SYTL1: variants seen among roughly 807,000 people sequenced by gnomAD.
SYTL1 encodes synaptotagmin-like protein 1.
A neutral mutation model predicts 74.6 loss-of-function variants in SYTL1; 53 were observed. The ratio of observed to expected loss-of-function variants is 0.71; its 90% CI spans 0.57 to 0.89. The LOEUF is 0.89. Ranked by LOEUF, SYTL1 falls within the 40% of genes least tolerant of loss-of-function variation. The probability of loss-of-function intolerance (pLI) is 0.00; values close to 1 mark genes in which losing one functional copy is unlikely to be tolerated. For synonymous variants in SYTL1, 329 were observed against 324.9 expected (o/e 1.01, Z -0.14); for missense variants, 728 against 768.7 (o/e 0.95, Z 0.63).
Position 27,347,673 on chromosome 1 carries a change from C to A in SYTL1, c.340+104C>A. On this transcript the variant is annotated intron_variant, in intron 3 of 14. Coordinates refer to ENST00000616558, the MANE Select transcript of SYTL1 (RefSeq NM_001193308.2). The surrounding 1 kb of genome is among the most constrained non-coding windows in gnomAD (Gnocchi z 4.9). ...ACTAGGGCTCCAGTCCTGGCTGCCC[C>A]CAGTACTGTGTGTCTTTCAGTGGGC... The A allele has an allele frequency of 6.5e-7, 1 of 1,527,592 alleles. No individual in the cohort carries two copies. Among genetic ancestry groups the A allele is most frequent in the Non-Finnish European group, 8.9e-7 (1 of 1,125,622 alleles). 94.6% of individuals were successfully genotyped at this position (1,527,592 alleles called of 1,614,324 possible). A position where few individuals can be genotyped will look rare whatever the true frequency, so the allele number is the denominator to read the frequency against.
chr1:27,350,953 G>C lies in SYTL1; in HGVS notation c.1164+1G>C. ...CACCTGGCTCCCCCTGCAGCCCCGGGTGAGGCAGCCAGGCCGCGTGGGGAG... is the reference window on the plus strand; with the variant it reads ...CACCTGGCTCCCCCTGCAGCCCCGGCTGAGGCAGCCAGGCCGCGTGGGGAG... On this transcript the variant is annotated splice_donor_variant, in intron 11 of 14. Coordinates refer to ENST00000616558, the MANE Select transcript of SYTL1 (RefSeq NM_001193308.2). LOFTEE classifies it high-confidence loss of function. The surrounding 1 kb of genome is among the most constrained non-coding windows in gnomAD (Gnocchi z 6.3). The C allele has an allele frequency of 3.1e-6, 5 of 1,612,780 alleles. No individual in the cohort carries two copies. Among genetic ancestry groups the C allele is most frequent in the East Asian group, 4.5e-5 (2 of 44,852 alleles).
chr1:27,350,104 G>A lies in SYTL1; in HGVS notation c.880G>A (p.Ala294Thr). 1 of 1,402,618 alleles carries A rather than the reference G, an allele frequency of 7.1e-7. No homozygotes were observed. The allele number at this position is 1,402,618 out of a possible 1,614,324, so 86.9% of individuals were successfully genotyped here. Residue 294 changes from alanine to threonine, a missense_variant, in exon 9 of 15, where the codon GCC (alanine) becomes ACC (threonine). Transcript: ENST00000616558. The surrounding 1 kb of genome is among the most constrained non-coding windows in gnomAD (Gnocchi z 6.3). ...GCACGTGATCCAGTGCCAGGGCCTG[G>A]CCGCCGCCCGGCGCCGCCGCTCGGA... ...RVHVIQCQGL[A>T]AARRRRSDPY...
rs2015032585 is a variant in SYTL1, at chr1:27,347,108, G to A, written c.192-313G>A. Among the ~76,000 whole-genome samples, 1 of 152,216 alleles carries A rather than the reference G, an allele frequency of 6.6e-6. No homozygotes were observed. The highest frequency in any genetic ancestry group is 2.1e-4 in the South Asian group (1 of 4,828). On this transcript the variant is annotated intron_variant, in intron 2 of 14. Transcript: ENST00000616558. The surrounding 1 kb of genome is among the most constrained non-coding windows in gnomAD (Gnocchi z 4.9). ...CAGCACTCCAGCCTGGGCATAGAGG[G>A]AGACTCCATCTCAAAATAATTAAGT... is the stretch of plus-strand genomic sequence containing the variant.
chr1:27,350,959 C>G lies in SYTL1; in HGVS notation c.1164+7C>G. ...GCTCCCCCTGCAGCCCCGGGTGAGGCAGCCAGGCCGCGTGGGGAGACCTGC... is the reference window on the plus strand; with the variant it reads ...GCTCCCCCTGCAGCCCCGGGTGAGGGAGCCAGGCCGCGTGGGGAGACCTGC... On this transcript the variant is annotated splice_region_variant and intron_variant, in intron 11 of 14. Transcript: ENST00000616558. This position sits in a 1 kb window ranked among gnomAD's most constrained non-coding sequence, Gnocchi z 6.3. 1.2e-6 allele frequency: 2 copies of G among 1,612,692 alleles called. No homozygotes were observed. The highest frequency in any genetic ancestry group is 2.2e-5 in the South Asian group (2 of 91,068).
chr1:27,342,257 A>C lies in SYTL1; in HGVS notation c.-39+107A>C, dbSNP rs7533455. ...CACCTTGGGGTTGGGGGAGGTGGGC[A>C]CATGTCTGGAACTGGAACAGCTGGA... is the stretch of plus-strand genomic sequence containing the variant. On this transcript the variant is annotated intron_variant, in intron 1 of 14. Transcript: ENST00000616558. The surrounding 1 kb of genome is among the most constrained non-coding windows in gnomAD (Gnocchi z 4.7). The C allele has an allele frequency of 1.2e-6, 1 of 852,856 alleles. No homozygotes were observed. The highest frequency in any genetic ancestry group is 1.4e-6 in the Non-Finnish European group (1 of 709,400). 52.8% of individuals were successfully genotyped at this position (852,856 alleles called of 1,614,324 possible).
chr1:27,351,087 G>T lies in SYTL1; in HGVS notation c.1164+135G>T. Reference sequence around the variant, plus strand: ...CAACCTCTTAACCTCATGGCCCCAGGCGAAGCCCGGCCGGCCACGGCCCCT... The same window carrying T: ...CAACCTCTTAACCTCATGGCCCCAGTCGAAGCCCGGCCGGCCACGGCCCCT... On this transcript the variant is annotated intron_variant, in intron 11 of 14. Coordinates refer to ENST00000616558, the MANE Select transcript of SYTL1 (RefSeq NM_001193308.2). The surrounding 1 kb of genome is among the most constrained non-coding windows in gnomAD (Gnocchi z 5.0). 1 of 1,339,852 alleles carries T rather than the reference G, an allele frequency of 7.5e-7. No individual in the cohort carries two copies. The highest frequency in any genetic ancestry group is 1.0e-6 in the Non-Finnish European group (1 of 987,998). The allele number at this position is 1,339,852 out of a possible 1,614,324, so 83.0% of individuals were successfully genotyped here.
chr1:27,350,912 A>C lies in SYTL1; in HGVS notation c.1124A>C (p.Asp375Ala), dbSNP rs1271441288. The change falls in exon 11 of 15, where the codon GAC becomes GCC. Residue 375 changes from aspartate (D) to alanine (A), a missense_variant. By Grantham distance (126) the Asp-to-Ala change is moderately radical (BLOSUM62 -2). Transcript: ENST00000616558. This position sits in a 1 kb window ranked among gnomAD's most constrained non-coding sequence, Gnocchi z 6.3. ...GEVEVPLDTW[D>A]WGSEPTWLPL... is the part of the protein sequence containing the mutation. ...GTTGAAGTGCCCCTGGACACGTGGG[A>C]CTGGGGCTCTGAGCCCACCTGGCTC... is the stretch of plus-strand genomic sequence containing the variant. The C allele has an allele frequency of 6.2e-7, 1 of 1,613,482 alleles. No individual in the cohort carries two copies. The highest frequency in any genetic ancestry group is 2.2e-5 in the East Asian group (1 of 44,856).
chr1:27,351,126 T>C lies in SYTL1; in HGVS notation c.1165-132T>C. On this transcript the variant is annotated intron_variant, in intron 11 of 14. Transcript: ENST00000616558. This position sits in a 1 kb window ranked among gnomAD's most constrained non-coding sequence, Gnocchi z 5.0. ...GCCACGGCCCCTTCCCCGAGGGCGC[T>C]AGGACCCCTAGGTTCTGCCCCTGCA... 7.6e-7 allele frequency: 1 copy of C among 1,323,346 alleles called. No homozygotes were observed. Among genetic ancestry groups the C allele is most frequent in the Non-Finnish European group, 1.0e-6 (1 of 971,778 alleles). The allele number at this position is 1,323,346 out of a possible 1,614,324, so 82.0% of individuals were successfully genotyped here. A position where few individuals can be genotyped will look rare whatever the true frequency, so the allele number is the denominator to read the frequency against.
chr1:27,349,311 G>A (rs2015135529), intron 6 of SYTL1, 87 bp from the exon 7 acceptor site: 2 of 1,455,324 alleles, frequency 1.4e-6, no homozygotes, highest in Admixed American at 2.8e-5. Context: ...TGAATCTGCA[G>A]CTCGCTGGGG....
At position 27,350,906 on chromosome 1, in the gene SYTL1, C is replaced by A. The variant is rs368344700; in HGVS notation, c.1118C>A (p.Thr373Lys). Residue 373 changes from threonine (T) to lysine (K), a missense_variant, in exon 11 of 15, where the codon ACG (threonine) becomes AAG (lysine). By Grantham distance (78) the Thr-to-Lys change is moderately conservative (BLOSUM62 -1). Transcript: ENST00000616558. This position sits in a 1 kb window ranked among gnomAD's most constrained non-coding sequence, Gnocchi z 6.3. ...FLGEVEVPLD[T>K]WDWGSEPTWL... ...GGCGAAGTTGAAGTGCCCCTGGACA[C>A]GTGGGACTGGGGCTCTGAGCCCACC... 1 of 1,613,658 alleles carries A rather than the reference C, an allele frequency of 6.2e-7. No homozygotes were observed. Among genetic ancestry groups the A allele is most frequent in the Non-Finnish European group, 8.5e-7 (1 of 1,179,982 alleles).
intron 7 of SYTL1, 68 bp from the exon 8 acceptor site, chr1:27,349,584 C>A (rs1198433989): frequency 1.8e-5 from 28 of 1,521,102 alleles, no homozygotes; most frequent in Non-Finnish European, 2.4e-5. Context: ...GCGAGCCGCC[C>A]GCGACCCAGG....
At chr1:27,344,583 G>A (rs1571028187) in intron 1 of SYTL1, among the ~76,000 whole-genome samples, 1 of 146,800 alleles carries the variant, frequency 6.8e-6, no homozygotes, top group Non-Finnish European at 1.5e-5. Flanking sequence ...CGGGCGTGGT[G>A]GCTCACGCCT....
rs745856303 is a variant in SYTL1, at chr1:27,353,360, A to G, written c.1421A>G (p.Asn474Ser). ...VVRRSLSPVF[N>S]HTMVYDGFGP... ...CGACGCAGCCTCAGCCCTGTGTTCA[A>G]TCACACCATGGTGTACGATGGCTTT... Residue 474 changes from asparagine (N) to serine (S), a missense_variant, in exon 14 of 15, where the codon AAT (asparagine) becomes AGT (serine). By Grantham distance (46) the Asn-to-Ser change is conservative (BLOSUM62 1). Transcript: ENST00000616558. 5.6e-6 allele frequency: 9 copies of G among 1,611,328 alleles called. No individual in the cohort carries two copies. In the South Asian group the frequency reaches 6.6e-5, roughly 12 times the overall value.
intron 7 of SYTL1, 68 bp from the exon 8 acceptor site, chr1:27,349,584 C>T (rs1198433989): frequency 6.6e-7 from 1 of 1,520,992 alleles, no homozygotes; most frequent in Non-Finnish European, 8.8e-7. Context: ...GCGAGCCGCC[C>T]GCGACCCAGG....
rs1398999070 is a variant in SYTL1, at chr1:27,345,775, G to T, written c.191+250G>T. Among the ~76,000 whole-genome samples the T allele has an allele frequency of 2.0e-5, 3 of 150,418 alleles. No homozygotes were observed. Among genetic ancestry groups the T allele is most frequent in the African/African-American group, 7.3e-5 (3 of 40,938 alleles). On this transcript the variant is annotated intron_variant, in intron 2 of 14. Transcript: ENST00000616558. The surrounding 1 kb of genome is among the most constrained non-coding windows in gnomAD (Gnocchi z 6.0). ...CCTGCAGCTGGTGCTCCCCAGATCTGTCTGCTTTTTTTTTTTTTTCTTGAG... is the reference window on the plus strand; with the variant it reads ...CCTGCAGCTGGTGCTCCCCAGATCTTTCTGCTTTTTTTTTTTTTTCTTGAG...
Position 27,345,397 on chromosome 1 carries a change from G to T in SYTL1, c.63G>T (p.Ala21=). ...GGGCTCTGCCCTCCCTCCCCATGGC[G>T]CATGGGCCAAAGCCTGAGACTGAAG... The part of the protein sequence containing the change: ...GLWALPSLPM[A]HGPKPETEGL... Residue 21 remains alanine (A), a synonymous_variant, in exon 2 of 15, where the codon GCG becomes GCT. Coordinates refer to ENST00000616558, the MANE Select transcript of SYTL1 (RefSeq NM_001193308.2). The surrounding 1 kb of genome is among the most constrained non-coding windows in gnomAD (Gnocchi z 6.0). The T allele has an allele frequency of 2.6e-6, 4 of 1,557,116 alleles. No homozygotes were observed. Among genetic ancestry groups the T allele is most frequent in the Non-Finnish European group, 3.5e-6 (4 of 1,149,820 alleles).
chr1:27,347,482 C>G lies in SYTL1; in HGVS notation c.253C>G (p.Gln85Glu), dbSNP rs369805137. The change falls in exon 3 of 15, where the codon CAG (glutamine) becomes GAG (glutamate). Residue 85 changes from glutamine to glutamate, a missense_variant. Gln to Glu is a conservative substitution (Grantham distance 29). Transcript: ENST00000616558. The surrounding 1 kb of genome is among the most constrained non-coding windows in gnomAD (Gnocchi z 4.9). ...QLKILTGDWFQEARSQRHHNA... is the reference protein window; with the variant it reads ...QLKILTGDWFEEARSQRHHNA... ...GAAGATCCTGACAGGGGACTGGTTCCAGGAAGCACGCTCCCAGCGGCACCA... is the reference window on the plus strand; with the variant it reads ...GAAGATCCTGACAGGGGACTGGTTCGAGGAAGCACGCTCCCAGCGGCACCA... 5 of 1,614,152 alleles carry G rather than the reference C, an allele frequency of 3.1e-6. No homozygotes were observed. Among genetic ancestry groups the G allele is most frequent in the Non-Finnish European group, 2.5e-6 (3 of 1,180,056 alleles).
chr1:27,347,856 AGAAG>A lies in SYTL1; in HGVS notation c.394_397del (p.Glu132ArgfsTer32), dbSNP rs1197935414. On this transcript the variant is annotated frameshift_variant, in exon 4 of 15. Transcript: ENST00000616558. LOFTEE classifies it high-confidence loss of function. The surrounding 1 kb of genome is among the most constrained non-coding windows in gnomAD (Gnocchi z 4.9). ...AGGGAGGCTGAGGCTGCTGTGAAAGAGAAGGAAGAGGGGCCAGAGCCCAGGTGAG... is the reference window on the plus strand; with the variant it reads ...AGGGAGGCTGAGGCTGCTGTGAAAGAGAAGAGGGGCCAGAGCCCAGGTGAG... 4 of 1,613,916 alleles carry A rather than the reference AGAAG, an allele frequency of 2.5e-6. No individual in the cohort carries two copies. The African/African-American group carries it at 4.0e-5, about 16-fold the overall frequency.
Position 27,353,855 on chromosome 1 carries a change from C to T in SYTL1, c.*3C>T, listed in dbSNP as rs1384974809. On this transcript the variant is annotated 3_prime_UTR_variant, in exon 15 of 15. Coordinates refer to ENST00000616558, the MANE Select transcript of SYTL1 (RefSeq NM_001193308.2). ...CCAACCTGGCCCCCAGGACGTAGCC[C>T]CACCAAGCCTCTCTCTCTGGACCCC... The T allele has an allele frequency of 6.2e-7, 1 of 1,611,722 alleles. No homozygotes were observed. Among genetic ancestry groups the T allele is most frequent in the Admixed American group, 1.7e-5 (1 of 59,932 alleles).
Sources: allele counts gnomAD v4.1 joint callset (sites outside exome capture counted in the v4.1 genomes callset), GRCh38; gene constraint gnomAD v4.1.1; non-coding constraint Gnocchi (gnomAD v3.1); transcripts MANE v1.5; gene names NCBI Gene and HGNC (gene_info 2026-07-23, HGNC 2026-07-21).